Variants in VSNL1 observed in about 807,000 individuals in gnomAD.
The protein encoded by VSNL1 is visinin like 1, also known as visinin-like protein 1.
A neutral mutation model predicts 20.4 loss-of-function variants in VSNL1; 6 were observed. The ratio of observed to expected loss-of-function variants is 0.29; its 90% CI spans 0.16 to 0.58. VSNL1 has a LOEUF of 0.58. Ranked by LOEUF, VSNL1 falls within the 20% of genes least tolerant of loss-of-function variation. The pLI is 0.90. For missense variants in VSNL1, 100 were observed against 234.5 expected (o/e 0.43, Z 3.75); for synonymous variants, 93 against 86.4 (o/e 1.08, Z -0.42).
rs951653344 is a variant in VSNL1 at position 17,591,974 on chromosome 2, C to A, written c.-5-96C>A. The A allele has an allele frequency of 7.1e-6, 10 of 1,408,274 alleles. No homozygotes were observed. In the East Asian group the frequency reaches 2.3e-4, roughly 33 times the overall value. The allele number at this position is 1,408,274 out of a possible 1,614,324, so 87.2% of individuals were successfully genotyped here. On this transcript the variant is annotated intron_variant, in intron 1 of 3. Transcript: ENST00000295156. ...GCATCAGCCACACTGGAGGGAGTTC[C>A]GACCATGGGACTGCTCAGAACTCTA...
At chr2:17,563,591 G>A (rs984426757) in intron 1 of VSNL1, among the ~76,000 whole-genome samples, 2 of 152,210 alleles carry the variant, frequency 1.3e-5, no homozygotes, top group Non-Finnish European at 2.9e-5. Flanking sequence ...TTAGCTGGGC[G>A]TGGTGGCACG....
chr2:17,577,821 G>C (rs1262450995), intron 1 of VSNL1, among the ~76,000 whole-genome samples: 1 of 152,192 alleles, frequency 6.6e-6, no homozygotes, highest in East Asian at 1.9e-4. Context: ...AACGGTTTTT[G>C]TCACAGAAAA....
At chr2:17,577,797 T>C (rs1266077287) in intron 1 of VSNL1, among the ~76,000 whole-genome samples, 1 of 152,232 alleles carries the variant, frequency 6.6e-6, no homozygotes, top group Admixed American at 6.5e-5. Flanking sequence ...ACTGATGAGC[T>C]CTTATGTGGA....
chr2:17,651,668 G>C (rs1189574570), intron 3 of VSNL1, among the ~76,000 whole-genome samples: 1 of 152,244 alleles, frequency 6.6e-6, no homozygotes. Flanking sequence ...CCGGTGGGCA[G>C]TCCGGGCCAT....
chr2:17,646,304 G>A (rs564926755), intron 2 of VSNL1, among the ~76,000 whole-genome samples: 27 of 152,326 alleles, frequency 1.8e-4, no homozygotes, highest in African/African-American at 6.5e-4. Context: ...CAGAGGCAAT[G>A]GATGCTAAGA....
chr2:17,613,426 A>C (rs539909125), intron 2 of VSNL1, among the ~76,000 whole-genome samples: 1 of 152,350 alleles, frequency 6.6e-6, no homozygotes, highest in African/African-American at 2.4e-5. Flanking sequence ...CCAAATTCAA[A>C]TTATGGCCAC....
intron 2 of VSNL1, among the ~76,000 whole-genome samples, chr2:17,636,970 C>G (rs1294443669): frequency 6.6e-6 from 1 of 152,206 alleles, no homozygotes; most frequent in Non-Finnish European, 1.5e-5. Flanking sequence ...GATTTACAGG[C>G]AGAGAAACTG....
chr2:17,629,800 G>A (rs1423771679), intron 2 of VSNL1, among the ~76,000 whole-genome samples: 2 of 152,210 alleles, frequency 1.3e-5, no homozygotes, highest in African/African-American at 4.8e-5. Flanking sequence ...AGAAGGGTAA[G>A]GATGGGCAGA....
chr2:17,610,502 A>G (rs1665058760), intron 2 of VSNL1, among the ~76,000 whole-genome samples: 1 of 152,192 alleles, frequency 6.6e-6, no homozygotes, highest in Admixed American at 6.5e-5. Context: ...CAGCAGCAGG[A>G]AGCACTTGCA....
At chr2:17,551,575 T>C (rs1360189606) in intron 1 of VSNL1, among the ~76,000 whole-genome samples, 2 of 152,168 alleles carry the variant, frequency 1.3e-5, no homozygotes, top group African/African-American at 2.4e-5. Context: ...TGATTCATTC[T>C]TAAAACAAGA....
chr2:17,594,105 A>G (rs539049071), intron 2 of VSNL1, among the ~76,000 whole-genome samples: 16 of 152,352 alleles, frequency 1.1e-4, no homozygotes, highest in Non-Finnish European at 2.4e-4. Flanking sequence ...CACTGGAAGT[A>G]TGTAGCACTG....
Position 17,586,252 on chromosome 2 carries a change from G to A in VSNL1, c.-5-5818G>A, listed in dbSNP as rs185247523. 5.3e-5 allele frequency among the ~76,000 whole-genome samples: 8 copies of A among 152,300 alleles called. No individual in the cohort carries two copies. The East Asian group carries it at 1.2e-3, about 22-fold the overall frequency. On this transcript the variant is annotated intron_variant, in intron 1 of 3. Coordinates refer to ENST00000295156, the MANE Select transcript of VSNL1 (RefSeq NM_003385.5). ...GTGTGCTTCTTAGATCATGTACTTC[G>A]ATTTTTATTTATGCTTTCCAGCAGC...
chr2:17,591,562 C>T (rs1217034339), intron 1 of VSNL1, among the ~76,000 whole-genome samples: 2 of 152,112 alleles, frequency 1.3e-5, no homozygotes, highest in Non-Finnish European at 2.9e-5. Context: ...AAAGCTCCAA[C>T]TTGAACCAGA....
At chr2:17,541,604 C>A (rs1025734760) in intron 1 of VSNL1, 2 of 152,198 alleles carry the variant, frequency 1.3e-5, no homozygotes, top group Non-Finnish European at 2.9e-5. Context: ...TGGGGACTGT[C>A]AGACCCAAAC....
At chr2:17,653,151 G>A (rs1388394832) in intron 3 of VSNL1, among the ~76,000 whole-genome samples, 2 of 152,160 alleles carry the variant, frequency 1.3e-5, no homozygotes, top group Non-Finnish European at 2.9e-5. Flanking sequence ...TGGCATGCCC[G>A]GCCTTTGTGA....
intron 1 of VSNL1, among the ~76,000 whole-genome samples, chr2:17,578,583 C>A (rs573278033): frequency 6.6e-6 from 1 of 152,300 alleles, no homozygotes; most frequent in South Asian, 2.1e-4. Flanking sequence ...CCAGAGGAAG[C>A]GGCACTTCCT....
intron 1 of VSNL1, among the ~76,000 whole-genome samples, chr2:17,573,722 C>CT (rs1279888305): frequency 6.6e-6 from 1 of 152,180 alleles, no homozygotes; most frequent in African/African-American, 2.4e-5. Context: ...CTGACACCTA[C>CT]TTGGTGTTTT....
At chr2:17,552,620 T>C (rs774872998) in intron 1 of VSNL1, among the ~76,000 whole-genome samples, 8 of 152,200 alleles carry the variant, frequency 5.3e-5, no homozygotes, top group Non-Finnish European at 8.8e-5. Flanking sequence ...TTAAGACATA[T>C]CATTTTGTGT....
At chr2:17,636,584 T>C (rs974314434) in intron 2 of VSNL1, among the ~76,000 whole-genome samples, 3 of 152,228 alleles carry the variant, frequency 2.0e-5, no homozygotes, top group Non-Finnish European at 2.9e-5. Flanking sequence ...TAATGACACA[T>C]GTACCTGCTT....
Sources: allele counts gnomAD v4.1 joint callset (sites outside exome capture counted in the v4.1 genomes callset), GRCh38; gene constraint gnomAD v4.1.1; transcripts MANE v1.5; gene names NCBI Gene and HGNC (gene_info 2026-07-23, HGNC 2026-07-21).